The following CFAP299 variants were observed in gnomAD, a reference collection of about 807,000 sequenced individuals.
The protein encoded by CFAP299 is cilia and flagella associated protein 299, also known as cilia- and flagella-associated protein 299.
In CFAP299, 21 loss-of-function variants were observed where a neutral mutation model predicts 27.0. The ratio of observed to expected loss-of-function variants is 0.78; its 90% CI spans 0.55 to 1.12. CFAP299 has a LOEUF of 1.12. Among genes scored for constraint, CFAP299 ranks in the 50% most tolerant of loss-of-function variants. The pLI, the probability that CFAP299 is intolerant of heterozygous loss-of-function variation, is 0.00. For synonymous variants in CFAP299, 104 were observed against 98.1 expected (o/e 1.06, Z -0.36); for missense variants, 310 against 276.6 (o/e 1.12, Z -0.86).
At chr4:80,729,603 T>A (rs1723375491) in intron 3 of CFAP299, among the ~76,000 whole-genome samples, 1 of 138,596 alleles carries the variant, frequency 7.2e-6, no homozygotes, top group South Asian at 2.5e-4. Context: ...TTTTTTTTTT[T>A]TTTTTTTTTT....
intron 3 of CFAP299, among the ~76,000 whole-genome samples, chr4:80,688,960 G>C (rs1341705436): frequency 6.6e-6 from 1 of 152,068 alleles, no homozygotes; most frequent in Non-Finnish European, 1.5e-5. Flanking sequence ...AAGATGAAAT[G>C]AATGAAATGA....
At chr4:80,709,586 C>T (rs978155180) in intron 3 of CFAP299, among the ~76,000 whole-genome samples, 12 of 152,308 alleles carry the variant, frequency 7.9e-5, no homozygotes, top group African/African-American at 2.4e-4. Context: ...AGCAAAGGCT[C>T]ACACTGTTCT....
chr4:80,806,666 G>A (rs1225058922), intron 3 of CFAP299, among the ~76,000 whole-genome samples: 2 of 152,144 alleles, frequency 1.3e-5, no homozygotes, highest in Non-Finnish European at 2.9e-5. Flanking sequence ...AACAGAAAGT[G>A]GAACAATTAG....
In CFAP299 at chr4:80,688,745, G is replaced by A. The variant is rs1236433885; in HGVS notation, c.333+105562G>A. Among the ~76,000 whole-genome samples the A allele has an allele frequency of 1.4e-4, 22 of 151,990 alleles. 1 individual carries two copies. In the South Asian group the frequency reaches 2.3e-3, roughly 16 times the overall value. ...AGGCTTCAGATGATCAAATTACTCC[G>A]AGCTACGGGAGGACATTCAAACCAA... On this transcript the variant is annotated intron_variant, in intron 3 of 5. Transcript: ENST00000358105.
intron 1 of CFAP299, among the ~76,000 whole-genome samples, chr4:80,338,283 AT>A (rs571433842): frequency 6.6e-6 from 1 of 152,154 alleles, no homozygotes; most frequent in African/African-American, 2.4e-5. Context: ...CATAATTATC[AT>A]TTTTTTGTGG....
At chr4:80,705,898 ATTG>A (rs1343525429) in intron 3 of CFAP299, among the ~76,000 whole-genome samples, 1 of 151,874 alleles carries the variant, frequency 6.6e-6, no homozygotes, top group Admixed American at 6.6e-5. Context: ...CTCCACTATG[ATTG>A]TTAACAGTAA....
chr4:80,728,747 T>G (rs1444882644), intron 3 of CFAP299, among the ~76,000 whole-genome samples: 1 of 152,206 alleles, frequency 6.6e-6, no homozygotes, highest in African/African-American at 2.4e-5. Flanking sequence ...GAGGACTTGA[T>G]AAGACAGTTA....
At chr4:80,424,490 T>C (rs754506219) in intron 2 of CFAP299, among the ~76,000 whole-genome samples, 40 of 152,180 alleles carry the variant, frequency 2.6e-4, no homozygotes, top group Non-Finnish European at 5.6e-4. Context: ...GCACTGAGGA[T>C]GAGGCAGCTT....
intron 3 of CFAP299, among the ~76,000 whole-genome samples, chr4:80,638,700 T>C (rs1739576706): frequency 6.6e-6 from 1 of 152,184 alleles, no homozygotes; most frequent in Non-Finnish European, 1.5e-5. Flanking sequence ...TATTATTCTC[T>C]TTTAGTTCCT....
chr4:80,694,793 T>G (rs1460088787), intron 3 of CFAP299, among the ~76,000 whole-genome samples: 1 of 152,234 alleles, frequency 6.6e-6, no homozygotes, highest in Non-Finnish European at 1.5e-5. Flanking sequence ...ATTGCTAGTT[T>G]GTTTTTGATG....
At chr4:80,381,200 T>C (rs537947150) in intron 2 of CFAP299, among the ~76,000 whole-genome samples, 9 of 152,328 alleles carry the variant, frequency 5.9e-5, no homozygotes, top group Non-Finnish European at 1.3e-4. Context: ...ATTATTTTTC[T>C]TTCACTGAAT....
intron 3 of CFAP299, among the ~76,000 whole-genome samples, chr4:80,851,220 A>G (rs1731503788): frequency 6.6e-6 from 1 of 152,164 alleles, no homozygotes. Context: ...AGGAGCATCT[A>G]TATAAAGAGG....
chr4:80,686,981 C>T (rs1001054201), intron 3 of CFAP299, among the ~76,000 whole-genome samples: 1 of 152,098 alleles, frequency 6.6e-6, no homozygotes, highest in Non-Finnish European at 1.5e-5. Flanking sequence ...TTATAAATTC[C>T]AACGGCAAAT....
At chr4:80,908,505 C>T (rs541932281) in intron 4 of CFAP299, among the ~76,000 whole-genome samples, 24 of 152,188 alleles carry the variant, frequency 1.6e-4, no homozygotes, top group African/African-American at 5.1e-4. Flanking sequence ...AGAGGTGTTC[C>T]GAAATAGAGT....
intron 3 of CFAP299, among the ~76,000 whole-genome samples, chr4:80,765,751 T>C (rs1725827260): frequency 6.6e-6 from 1 of 151,990 alleles, no homozygotes. Context: ...TGTGTAATAA[T>C]TAAAGAGGAT....
At chr4:80,482,815 C>G (rs764142086) in intron 2 of CFAP299, among the ~76,000 whole-genome samples, 1 of 152,118 alleles carries the variant, frequency 6.6e-6, no homozygotes, top group Non-Finnish European at 1.5e-5. Context: ...TCTTGCTGAA[C>G]GCTAGGTCTC....
At chr4:80,570,664 A>G (rs1735540017) in intron 2 of CFAP299, among the ~76,000 whole-genome samples, 1 of 152,128 alleles carries the variant, frequency 6.6e-6, no homozygotes, top group African/African-American at 2.4e-5. Context: ...AATTGGATCA[A>G]CAATTTTGGA....
At chr4:80,737,499 A>G (rs1290887457) in intron 3 of CFAP299, among the ~76,000 whole-genome samples, 1 of 151,984 alleles carries the variant, frequency 6.6e-6, no homozygotes, top group African/African-American at 2.4e-5. Flanking sequence ...AGATTTCTTC[A>G]TGGTTCATTC....
rs1228399936 is a variant in CFAP299, at chr4:80,504,484, T to C, written c.243-78609T>C. On this transcript the variant is annotated intron_variant, in intron 2 of 5. Coordinates refer to ENST00000358105, the MANE Select transcript of CFAP299 (RefSeq NM_152770.3). ...TCACATATATATATATATATATATATATATATATATATATATATATATTTT... is the reference window on the plus strand; with the variant it reads ...TCACATATATATATATATATATATACATATATATATATATATATATATTTT... Among the ~76,000 whole-genome samples the C allele has an allele frequency of 2.5e-4, 31 of 125,336 alleles. 1 individual carries two copies. The highest frequency in any genetic ancestry group is 3.6e-4 in the Non-Finnish European group (21 of 57,736). 82.2% of individuals were successfully genotyped at this position (125,336 alleles called of 152,430 possible).
Sources: gnomAD v4.1 joint callset for allele counts (sites outside exome capture counted in the v4.1 genomes callset) on GRCh38, gnomAD v4.1.1 for gene constraint, MANE v1.5 for transcripts, NCBI Gene and HGNC (gene_info 2026-07-23, HGNC 2026-07-21) for gene names.